Variants in TTLL11 observed in about 807,000 individuals in gnomAD.
TTLL11 encodes the protein tubulin tyrosine ligase like 11.
Under a neutral mutation model 51.7 loss-of-function variants are expected in TTLL11, and 42 were observed. The observed-to-expected ratio is 0.81, with a 90% CI of 0.64 to 1.05. The LOEUF is 1.05. TTLL11 is among the 50% of genes least tolerant of loss of function. The pLI is 0.00. For synonymous variants in TTLL11, 381 were observed against 383.5 expected (o/e 0.99, Z 0.08); for missense variants, 799 against 940.4 (o/e 0.85, Z 1.97).
At chr9:121,971,024 G>A (rs1191808821) in intron 6 of TTLL11, among the ~76,000 whole-genome samples, 1 of 145,500 alleles carries the variant, frequency 6.9e-6, no homozygotes, top group African/African-American at 2.5e-5. Context: ...GAGGTGGGGG[G>A]GTCAGCCCCC....
intron 8 of TTLL11, among the ~76,000 whole-genome samples, chr9:121,838,014 C>G (rs947206688): frequency 6.6e-6 from 1 of 152,232 alleles, no homozygotes; most frequent in South Asian, 2.1e-4. Context: ...CTCTCTCGCT[C>G]TCTCTTCCTG....
At chr9:122,039,006 T>C (rs111260947) in intron 2 of TTLL11, among the ~76,000 whole-genome samples, 1 of 152,196 alleles carries the variant, frequency 6.6e-6, no homozygotes, top group Non-Finnish European at 1.5e-5. Context: ...AATATATTCC[T>C]CTCATTAGAA....
chr9:121,842,780 G>A (rs1487327802), intron 8 of TTLL11, among the ~76,000 whole-genome samples: 2 of 152,096 alleles, frequency 1.3e-5, no homozygotes, highest in African/African-American at 2.4e-5. Context: ...AGATTTCCCC[G>A]GAGAATCTCT....
chr9:122,032,944 G>A (rs112967742), intron 2 of TTLL11, among the ~76,000 whole-genome samples: 2,598 of 151,292 alleles, frequency 0.017, 58 homozygotes, highest in African/African-American at 0.06. Context: ...ACAGGTGTGT[G>A]CCACCATGCC....
chr9:121,901,280 G>A (rs779123053), intron 6 of TTLL11, among the ~76,000 whole-genome samples: 2 of 152,048 alleles, frequency 1.3e-5, no homozygotes, highest in African/African-American at 2.4e-5. Context: ...TCACATCATC[G>A]GTGGAGAGAA....
intron 2 of TTLL11, among the ~76,000 whole-genome samples, chr9:122,038,092 G>A (rs939687787): frequency 2.0e-5 from 3 of 152,168 alleles, no homozygotes; most frequent in Non-Finnish European, 4.4e-5. Flanking sequence ...ATGCAAAAAG[G>A]ATGAGTAAAC....
chr9:121,942,960 C>T (rs779483100), intron 6 of TTLL11, among the ~76,000 whole-genome samples: 2 of 152,104 alleles, frequency 1.3e-5, no homozygotes, highest in Non-Finnish European at 1.5e-5. Context: ...CCTTTCATGC[C>T]GGCGTATCAG....
At chr9:121,925,111 T>C (rs755143911) in intron 6 of TTLL11, among the ~76,000 whole-genome samples, 1 of 152,214 alleles carries the variant, frequency 6.6e-6, no homozygotes, top group Non-Finnish European at 1.5e-5. Flanking sequence ...TGAAAGGCTC[T>C]GTTTAGGGAT....
At position 122,093,121 on chromosome 9, in the gene TTLL11, G is replaced by A; in HGVS notation, c.28C>T (p.Leu10=). The stretch of plus-strand genomic sequence containing the variant: ...GCCTCCGCCTCCCACCGGGCCGCCA[G>A]CTCGCTCTCGGAGCTGCCCCGCCGC... The part of the protein sequence containing the change: MRRGSSESE[L]AARWEAEAVA... Residue 10 remains leucine (L), a synonymous_variant, in exon 1 of 9, where the codon CTG becomes TTG. Transcript: ENST00000321582. The A allele has an allele frequency of 2.0e-6, 3 of 1,494,390 alleles. No homozygotes were observed. The highest frequency in any genetic ancestry group is 2.1e-5 in the Admixed American group (1 of 46,718). 92.6% of individuals were successfully genotyped at this position (1,494,390 alleles called of 1,614,324 possible).
chr9:121,942,364 C>A (rs967406665), intron 6 of TTLL11, among the ~76,000 whole-genome samples: 6 of 152,200 alleles, frequency 3.9e-5, no homozygotes, highest in Admixed American at 3.9e-4. Context: ...AAATAGTTTC[C>A]CAGGCACTAA....
At position 122,045,499 on chromosome 9, in the gene TTLL11, C is replaced by T. The variant is rs537654138; in HGVS notation, c.463-6131G>A. Reference sequence around the variant, plus strand: ...CCAGGAAGCAGAGGTTGCAGTGAGCCAAGATCACGCCACTGCACTCCAGCC... The same window carrying T: ...CCAGGAAGCAGAGGTTGCAGTGAGCTAAGATCACGCCACTGCACTCCAGCC... On this transcript the variant is annotated intron_variant, in intron 1 of 8. Coordinates refer to ENST00000321582, the MANE Select transcript of TTLL11 (RefSeq NM_001139442.2). Among the ~76,000 whole-genome samples the T allele has an allele frequency of 6.6e-5, 10 of 151,972 alleles. No individual in the cohort carries two copies. In the East Asian group the frequency reaches 1.9e-3, roughly 29 times the overall value.
At chr9:121,887,859 G>A (rs1302434483) in intron 6 of TTLL11, among the ~76,000 whole-genome samples, 1 of 152,128 alleles carries the variant, frequency 6.6e-6, no homozygotes, top group East Asian at 1.9e-4. Context: ...GAATACATCT[G>A]GTGTCTGGTG....
intron 3 of TTLL11, among the ~76,000 whole-genome samples, chr9:122,019,454 T>C (rs1425176984): frequency 6.6e-6 from 1 of 152,158 alleles, no homozygotes; most frequent in African/African-American, 2.4e-5. Flanking sequence ...TCATTTATTT[T>C]TATTATTTTT....
At chr9:122,002,322 T>A (rs1373127200) in intron 3 of TTLL11, among the ~76,000 whole-genome samples, 2 of 152,184 alleles carry the variant, frequency 1.3e-5, no homozygotes, top group Non-Finnish European at 1.5e-5. Flanking sequence ...AAATTTACTT[T>A]CCCTTTGGGG....
chr9:122,031,948 A>G, intron 2 of TTLL11, 92 bp from the exon 3 acceptor site: 1 of 1,482,986 alleles, frequency 6.7e-7, no homozygotes, highest in Non-Finnish European at 9.1e-7. Context: ...CACCCACCCG[A>G]CATATTCTCT....
chr9:121,869,849 TA>T lies in TTLL11; in HGVS notation c.1733+647del, dbSNP rs1564280947. 3.9e-5 allele frequency among the ~76,000 whole-genome samples: 6 copies of T among 152,218 alleles called. No homozygotes were observed. The East Asian group carries it at 1.2e-3, about 29-fold the overall frequency. On this transcript the variant is annotated intron_variant, in intron 7 of 8. Coordinates refer to ENST00000321582, the MANE Select transcript of TTLL11 (RefSeq NM_001139442.2). ...CCCTAGAAGCCAGTAAATGCTGCTG[TA>T]TTGCCCCAAAGTGCCCCCACAGGGT...
intron 1 of TTLL11, among the ~76,000 whole-genome samples, chr9:122,084,063 A>G (rs1462440075): frequency 1.3e-5 from 2 of 152,242 alleles, no homozygotes; most frequent in South Asian, 2.1e-4. Flanking sequence ...TAAAATTCCA[A>G]TAACCCACAG....
At chr9:121,903,654 A>G (rs1056852863) in intron 6 of TTLL11, among the ~76,000 whole-genome samples, 4 of 152,208 alleles carry the variant, frequency 2.6e-5, no homozygotes, top group Admixed American at 1.3e-4. Context: ...ATGAGATTAC[A>G]TGTATTTATT....
intron 6 of TTLL11, among the ~76,000 whole-genome samples, chr9:121,886,641 G>A (rs923498714): frequency 6.6e-6 from 1 of 152,188 alleles, no homozygotes; most frequent in Non-Finnish European, 1.5e-5. Context: ...AAGTCACGCA[G>A]TTTGAGGTAA....
Sources: allele counts gnomAD v4.1 joint callset (sites outside exome capture counted in the v4.1 genomes callset), GRCh38; gene constraint gnomAD v4.1.1; transcripts MANE v1.5; gene names NCBI Gene and HGNC (gene_info 2026-07-23, HGNC 2026-07-21).